SYTL3: variants seen among roughly 807,000 people sequenced by gnomAD.
SYTL3 encodes the protein synaptotagmin-like protein 3.
A neutral mutation model predicts 82.1 loss-of-function variants in SYTL3; 88 were observed. That is an observed-to-expected ratio of 1.07 (90% CI 0.90 to 1.28). SYTL3 has a LOEUF of 1.28. SYTL3 is among the 50% of genes most tolerant of loss of function. The probability of loss-of-function intolerance (pLI) is 0.00; values close to 1 mark genes in which losing one functional copy is unlikely to be tolerated. For synonymous variants in SYTL3, 311 were observed against 289.4 expected (o/e 1.07, Z -0.76); for missense variants, 831 against 757.6 (o/e 1.10, Z -1.14).
chr6:158,693,794 C>T (rs372206227), intron 6 of SYTL3, among the ~76,000 whole-genome samples: 33 of 140,378 alleles, frequency 2.4e-4, no homozygotes, highest in South Asian at 4.6e-4. Flanking sequence ...CCACCTGCGC[C>T]GGCCTCCAAA....
intron 6 of SYTL3, among the ~76,000 whole-genome samples, chr6:158,692,700 A>G (rs111672851): frequency 0.15 from 22,549 of 151,358 alleles, 2,494 homozygotes; most frequent in African/African-American, 0.31. Context: ...CACTTTGGGA[A>G]GCCAAGGAGG....
intron 13 of SYTL3, among the ~76,000 whole-genome samples, chr6:158,756,206 A>G (rs568017608): frequency 4.6e-5 from 7 of 152,362 alleles, no homozygotes; most frequent in Admixed American, 6.5e-5. Context: ...TCTATGGGGC[A>G]GAACCCATGC....
At chr6:158,650,946 G>A (rs556293663) in intron 1 of SYTL3, among the ~76,000 whole-genome samples, 26 of 152,002 alleles carry the variant, frequency 1.7e-4, no homozygotes, top group South Asian at 4.2e-4. Flanking sequence ...GTAAGACTCC[G>A]TCTCAAAAAA....
At chr6:158,737,172 G>A (rs887529313) in intron 11 of SYTL3, among the ~76,000 whole-genome samples, 3 of 151,996 alleles carry the variant, frequency 2.0e-5, no homozygotes, top group Admixed American at 6.6e-5. Flanking sequence ...GTCTTTTTCC[G>A]TGTGTTAACT....
chr6:158,683,868 G>A (rs1472498210), intron 6 of SYTL3, among the ~76,000 whole-genome samples: 1 of 152,166 alleles, frequency 6.6e-6, no homozygotes, highest in East Asian at 1.9e-4. Context: ...CGGTAATATG[G>A]GTGGAAGCAT....
intron 6 of SYTL3, among the ~76,000 whole-genome samples, chr6:158,693,010 C>T (rs1019718167): frequency 2.4e-4 from 36 of 152,092 alleles, no homozygotes; most frequent in African/African-American, 8.4e-4. Flanking sequence ...ATCCCAGTGC[C>T]CTGCCTGCCT....
chr6:158,652,061 A>G lies in SYTL3; in HGVS notation c.-637+219A>G, dbSNP rs185415695. Among the ~76,000 whole-genome samples the G allele has an allele frequency of 4.7e-3, 700 of 148,890 alleles. 6 individuals are homozygous for G. Among genetic ancestry groups the G allele is most frequent in the African/African-American group, 0.017 (667 of 40,360 alleles). The stretch of plus-strand genomic sequence containing the variant: ...TCCTGCCTCAGCCTCCCCGGTAGCT[A>G]GGATTACAGGTGCCTGCCACCATGC... On this transcript the variant is annotated intron_variant, in intron 2 of 17. Coordinates refer to ENST00000611299, the MANE Select transcript of SYTL3 (RefSeq NM_001242394.2).
Position 158,720,406 on chromosome 6 carries a change from C to CAAAAAAAAAA in SYTL3, c.720+2205_720+2214dup, listed in dbSNP as rs10640552. ...GGGTGACAAGAGTGAAACTTTGTCT[C>CAAAAAAAAAA]AAAAAAAAAAAAAAAAAAAGCCTGA... On this transcript the variant is annotated intron_variant, in intron 10 of 17. Coordinates refer to ENST00000611299, the MANE Select transcript of SYTL3 (RefSeq NM_001242394.2). 2.3e-5 allele frequency among the ~76,000 whole-genome samples: 2 copies of CAAAAAAAAAA among 88,176 alleles called. 1 individual carries two copies. The highest frequency in any genetic ancestry group is 9.0e-5 in the African/African-American group (2 of 22,106). The allele number at this position is 88,176 out of a possible 152,430, so 57.8% of individuals were successfully genotyped here.
intron 13 of SYTL3, among the ~76,000 whole-genome samples, chr6:158,757,000 A>ACCCC (rs55885095): frequency 3.5e-5 from 5 of 142,018 alleles, no homozygotes; most frequent in Non-Finnish European, 4.6e-5. Context: ...CAGAGAGAGG[A>ACCCC]CCCCCCCGCC....
chr6:158,652,279 A>C (rs1250146914), intron 2 of SYTL3, among the ~76,000 whole-genome samples: 1 of 151,070 alleles, frequency 6.6e-6, no homozygotes, highest in Non-Finnish European at 1.5e-5. Flanking sequence ...ACAGAGTCTC[A>C]CTCTGTTGCC....
chr6:158,665,726 G>T, intron 5 of SYTL3, 113 bp downstream of exon 5: 1 of 736,118 alleles, frequency 1.4e-6, no homozygotes, highest in Non-Finnish European at 2.2e-6. Flanking sequence ...CAGTAAATGT[G>T]TACCGAGTGC....
At position 158,764,847 on chromosome 6, in the gene SYTL3, T is replaced by C; in HGVS notation, c.*243T>C. The C allele has an allele frequency of 2.5e-6, 1 of 397,664 alleles. No homozygotes were observed. 24.6% of individuals were successfully genotyped at this position (397,664 alleles called of 1,614,324 possible). ...TTTGAGATGTAGAAAATGGCCAGAT[T>C]TTAATAAACGTTGTTACCCATGTCC... is the stretch of plus-strand genomic sequence containing the variant. On this transcript the variant is annotated 3_prime_UTR_variant, in exon 18 of 18. Coordinates refer to ENST00000611299, the MANE Select transcript of SYTL3 (RefSeq NM_001242394.2).
intron 8 of SYTL3, among the ~76,000 whole-genome samples, chr6:158,712,852 G>A (rs545825350): frequency 2.7e-5 from 4 of 150,416 alleles, no homozygotes; most frequent in East Asian, 2.0e-4. Context: ...TCCGCCTCCC[G>A]GGTTCACACC....
intron 5 of SYTL3, among the ~76,000 whole-genome samples, chr6:158,681,483 G>T (rs1223840457): frequency 6.6e-6 from 1 of 152,166 alleles, no homozygotes; most frequent in South Asian, 2.1e-4. Context: ...TTCGAGACCA[G>T]CTTGGCTGAC....
At chr6:158,682,738 T>C (rs888763795) in intron 5 of SYTL3, among the ~76,000 whole-genome samples, 187 bp from the exon 6 acceptor site, 1 of 152,146 alleles carries the variant, frequency 6.6e-6, no homozygotes, top group Non-Finnish European at 1.5e-5. Context: ...ACAGCTTTGC[T>C]GCTGATACTG....
intron 6 of SYTL3, 27 bp downstream of exon 6, chr6:158,683,016 AG>A (rs1260076314): frequency 6.6e-7 from 1 of 1,512,628 alleles, no homozygotes; most frequent in Non-Finnish European, 9.2e-7. Context: ...TTTTTAGTAA[AG>A]TAAAATGATC....
At chr6:158,686,909 G>C (rs78526534) in intron 6 of SYTL3, among the ~76,000 whole-genome samples, 9,759 of 152,172 alleles carry the variant, frequency 0.064, 393 homozygotes, top group Middle Eastern at 0.12. Context: ...GCCCCCACTG[G>C]ACCCTAATAG....
intron 6 of SYTL3, among the ~76,000 whole-genome samples, chr6:158,692,404 T>C (rs1780004899): frequency 6.6e-6 from 1 of 150,870 alleles, no homozygotes; most frequent in Non-Finnish European, 1.5e-5. Context: ...CCTCTGATAA[T>C]GCTCTCAATG....
chr6:158,720,964 G>A (rs976007541), intron 10 of SYTL3, among the ~76,000 whole-genome samples: 1 of 152,112 alleles, frequency 6.6e-6, no homozygotes, highest in Non-Finnish European at 1.5e-5. Context: ...GTGGGTCCTC[G>A]GCACGCCCCC....
Sources: gnomAD v4.1 joint callset for allele counts (sites outside exome capture counted in the v4.1 genomes callset) on GRCh38, gnomAD v4.1.1 for gene constraint, MANE v1.5 for transcripts, NCBI Gene and HGNC (gene_info 2026-07-23, HGNC 2026-07-21) for gene names.